The following LAMA2 variants were observed in gnomAD, a reference collection of about 807,000 sequenced individuals.
LAMA2 encodes the protein laminin subunit alpha-2.
A neutral mutation model predicts 364.8 loss-of-function variants in LAMA2; 269 were observed. The ratio of observed to expected loss-of-function variants is 0.74; its 90% CI spans 0.67 to 0.82. LAMA2 has a LOEUF of 0.82. Ranked by LOEUF, LAMA2 falls within the 40% of genes least tolerant of loss-of-function variation. The pLI is 0.00. For missense variants in LAMA2, 3,807 were observed against 3,873.2 expected, an observed-to-expected ratio of 0.98 and a Z score of 0.45; for synonymous variants, 1,379 against 1,370.6, an observed-to-expected ratio of 1.01 and a Z score of -0.14.
At chr6:129,189,041 T>C (rs1204679743) in intron 10 of LAMA2, among the ~76,000 whole-genome samples, 1 of 152,080 alleles carries the variant, frequency 6.6e-6, no homozygotes, top group Admixed American at 6.6e-5. Context: ...ATGAAGCTAA[T>C]GCTCAGTGCT....
intron 10 of LAMA2, among the ~76,000 whole-genome samples, chr6:129,189,696 T>A (rs1287320971): frequency 6.6e-6 from 1 of 152,180 alleles, no homozygotes; most frequent in African/African-American, 2.4e-5. Context: ...TATGCTTGCC[T>A]CAAATGTACA....
chr6:129,050,380 C>T (rs893489349), intron 2 of LAMA2, among the ~76,000 whole-genome samples: 4 of 152,146 alleles, frequency 2.6e-5, no homozygotes, highest in Non-Finnish European at 5.9e-5. Flanking sequence ...TGGTTATTAA[C>T]TCAGGCTGTC....
chr6:129,346,200 G>A (rs7772072), intron 30 of LAMA2, among the ~76,000 whole-genome samples: 2 of 152,130 alleles, frequency 1.3e-5, no homozygotes, highest in Non-Finnish European at 2.9e-5. Context: ...TTGAGCATTA[G>A]AAACCCTCTG....
chr6:128,915,537 A>G (rs971708718), intron 1 of LAMA2, among the ~76,000 whole-genome samples: 4 of 152,204 alleles, frequency 2.6e-5, no homozygotes, highest in Non-Finnish European at 2.9e-5. Context: ...GCCAGTTATA[A>G]CATCAAAAAC....
intron 8 of LAMA2, chr6:129,158,200 T>A: frequency 6.2e-7 from 1 of 1,613,672 alleles, no homozygotes; most frequent in Non-Finnish European, 8.5e-7. Context: ...TAATCAGTAA[T>A]CAAATAGAGC....
intron 14 of LAMA2, among the ~76,000 whole-genome samples, chr6:129,257,735 C>A (rs1786803780): frequency 6.6e-6 from 1 of 152,014 alleles, no homozygotes; most frequent in Non-Finnish European, 1.5e-5. Flanking sequence ...CCATTAATTC[C>A]AGGCAGTTAG....
At chr6:129,031,967 A>G (rs1271316119) in intron 1 of LAMA2, among the ~76,000 whole-genome samples, 1 of 151,984 alleles carries the variant, frequency 6.6e-6, no homozygotes, top group Non-Finnish European at 1.5e-5. Flanking sequence ...TTACAGGCAT[A>G]CACTACCATG....
intron 9 of LAMA2, among the ~76,000 whole-genome samples, chr6:129,172,226 G>T (rs1234798958): frequency 6.6e-6 from 1 of 152,038 alleles, no homozygotes; most frequent in Non-Finnish European, 1.5e-5. Flanking sequence ...GAGGAACTGC[G>T]TTCCTTTGGA....
intron 60 of LAMA2, among the ~76,000 whole-genome samples, chr6:129,504,812 A>G (rs1232982960): frequency 6.6e-6 from 1 of 152,236 alleles, no homozygotes; most frequent in East Asian, 1.9e-4. Context: ...CTCTTTGCTC[A>G]ATCAAACTAA....
At chr6:129,100,332 CTG>C (rs1775449515) in intron 4 of LAMA2, among the ~76,000 whole-genome samples, 1 of 152,178 alleles carries the variant, frequency 6.6e-6, no homozygotes, top group Non-Finnish European at 1.5e-5. Flanking sequence ...TGAACTGTCT[CTG>C]TGACATGTTT....
chr6:129,106,357 A>G (rs1297132074), intron 4 of LAMA2, among the ~76,000 whole-genome samples: 1 of 152,178 alleles, frequency 6.6e-6, no homozygotes, highest in East Asian at 1.9e-4. Context: ...TTCTCCTTTG[A>G]TATAACATTG....
At position 129,015,247 on chromosome 6, in the gene LAMA2, T is replaced by A. The variant is rs1011493148; in HGVS notation, c.113-34671T>A. On this transcript the variant is annotated intron_variant, in intron 1 of 64. Transcript: ENST00000421865. ...CCTAAAAACACATACAGGTTTAGGC[T>A]GATCAAGATATCAATGTCTGCTCTG... is the stretch of plus-strand genomic sequence containing the variant. Among the ~76,000 whole-genome samples the A allele has an allele frequency of 2.0e-5, 3 of 152,102 alleles. No individual in the cohort carries two copies. In the East Asian group the frequency reaches 5.8e-4, roughly 29 times the overall value.
In LAMA2 at chr6:129,248,926, A is replaced by G. The variant is rs540219280; in HGVS notation, c.1783-1186A>G. ...GATATTTATTATTTTATATGTGAAA[A>G]GACATTCGAATAAGGCCATTTCTCA... is the stretch of plus-strand genomic sequence containing the variant. On this transcript the variant is annotated intron_variant, in intron 12 of 64. Transcript: ENST00000421865. Among the ~76,000 whole-genome samples the G allele has an allele frequency of 2.2e-4, 34 of 152,328 alleles. No individual in the cohort carries two copies. In the South Asian group the frequency reaches 4.6e-3, roughly 20 times the overall value.
At chr6:129,340,333 A>C (rs1007364466) in intron 29 of LAMA2, among the ~76,000 whole-genome samples, 4 of 152,154 alleles carry the variant, frequency 2.6e-5, no homozygotes, top group African/African-American at 7.2e-5. Flanking sequence ...GACCAATTTC[A>C]AATATTAATG....
chr6:129,349,404 G>A lies in LAMA2; in HGVS notation c.4523+20G>A, dbSNP rs774493455. 25 of 1,570,414 alleles carry A rather than the reference G, an allele frequency of 1.6e-5. No homozygotes were observed. Among genetic ancestry groups the A allele is most frequent in the South Asian group, 8.9e-5 (8 of 90,244 alleles). On this transcript the variant is annotated intron_variant, in intron 31 of 64. Coordinates refer to ENST00000421865, the MANE Select transcript of LAMA2 (RefSeq NM_000426.4). ...TGAAAGGTACCAACAGCCATGAAAC[G>A]TACAGAGTAATGATATGTAGGGACT...
At chr6:129,273,504 A>C (rs190468675) in intron 17 of LAMA2, among the ~76,000 whole-genome samples, 166 of 152,300 alleles carry the variant, frequency 1.1e-3, no homozygotes, top group Non-Finnish European at 2.1e-4. Flanking sequence ...AACCCTATGG[A>C]TTTACCCTCA....
intron 1 of LAMA2, among the ~76,000 whole-genome samples, chr6:128,883,833 C>T (rs749570623): frequency 1.2e-3 from 135 of 114,812 alleles, no homozygotes; most frequent in Middle Eastern, 9.7e-3. Flanking sequence ...CACACACACA[C>T]ACATATATAT....
intron 52 of LAMA2, among the ~76,000 whole-genome samples, 168 bp from the exon 53 acceptor site, chr6:129,475,222 T>C (rs1487501145): frequency 6.6e-6 from 1 of 151,978 alleles, no homozygotes; most frequent in Non-Finnish European, 1.5e-5. Flanking sequence ...AGGGTATAAG[T>C]CTATTTTTAG....
At chr6:129,244,524 T>C (rs1482495670) in intron 12 of LAMA2, among the ~76,000 whole-genome samples, 2 of 152,138 alleles carry the variant, frequency 1.3e-5, no homozygotes, top group South Asian at 2.1e-4. Flanking sequence ...TGTGTATCCC[T>C]CCTGAAATAT....
Sources: allele counts gnomAD v4.1 joint callset (sites outside exome capture counted in the v4.1 genomes callset), GRCh38; gene constraint gnomAD v4.1.1; transcripts MANE v1.5; gene names NCBI Gene and HGNC (gene_info 2026-07-23, HGNC 2026-07-21).